The following ADCY8 variants were observed in gnomAD, a reference collection of about 807,000 sequenced individuals.
ADCY8 encodes the protein adenylate cyclase 8.
In ADCY8, 51 loss-of-function variants were observed where a neutral mutation model predicts 119.7. The ratio of observed to expected loss-of-function variants is 0.43; its 90% CI spans 0.34 to 0.54. ADCY8 has a LOEUF of 0.54. Among genes scored for constraint, ADCY8 ranks in the 20% least tolerant of loss-of-function variants. ADCY8 has a pLI of 0.03. For synonymous variants in ADCY8, 665 were observed against 651.0 expected (o/e 1.02, Z -0.33); for missense variants, 1,383 against 1,598.8 (o/e 0.87, Z 2.30).
intron 17 of ADCY8, 55 bp downstream of exon 17, chr8:130,783,636 C>A: frequency 7.7e-7 from 1 of 1,295,350 alleles, no homozygotes; most frequent in Non-Finnish European, 1.1e-6. Context: ...AGGGGAGGGT[C>A]TGTTGGAGCA....
chr8:130,963,105 TTTTC>T (rs1821655457), intron 2 of ADCY8, among the ~76,000 whole-genome samples: 1 of 151,428 alleles, frequency 6.6e-6, no homozygotes, highest in South Asian at 2.1e-4. Flanking sequence ...AAGCCCGTGT[TTTTC>T]TTTCTTTTTT....
chr8:130,819,390 T>C (rs1816440959), intron 13 of ADCY8, among the ~76,000 whole-genome samples: 1 of 152,228 alleles, frequency 6.6e-6, no homozygotes, highest in Non-Finnish European at 1.5e-5. Context: ...GCAATTAGGT[T>C]ATCTGCTTTC....
At chr8:130,836,524 G>C in intron 11 of ADCY8, 75 bp from the exon 12 acceptor site, 1 of 1,460,464 alleles carries the variant, frequency 6.8e-7, no homozygotes, top group Non-Finnish European at 9.3e-7. Flanking sequence ...ATGCTAGTAG[G>C]TCTTACACAC....
At chr8:130,942,218 T>A (rs1235787093) in intron 4 of ADCY8, among the ~76,000 whole-genome samples, 1 of 152,210 alleles carries the variant, frequency 6.6e-6, no homozygotes, top group Admixed American at 6.5e-5. Context: ...GCACTTGAGA[T>A]TCATTGGTGT....
chr8:130,992,784 A>G (rs961298822), intron 1 of ADCY8, among the ~76,000 whole-genome samples: 9 of 152,018 alleles, frequency 5.9e-5, no homozygotes. Context: ...AGGGCCTAAC[A>G]TACATATAAT....
intron 8 of ADCY8, among the ~76,000 whole-genome samples, chr8:130,879,912 C>G (rs1374114452): frequency 6.6e-6 from 1 of 152,102 alleles, no homozygotes; most frequent in African/African-American, 2.4e-5. Context: ...CCATAATTCC[C>G]ACATGTTGTG....
intron 12 of ADCY8, among the ~76,000 whole-genome samples, chr8:130,826,264 A>G (rs1218265764): frequency 6.6e-6 from 1 of 152,230 alleles, no homozygotes; most frequent in African/African-American, 2.4e-5. Flanking sequence ...TTAGAAAGAG[A>G]CATATGAACT....
At chr8:130,936,140 C>CT (rs1563735658) in intron 5 of ADCY8, among the ~76,000 whole-genome samples, 1 of 149,730 alleles carries the variant, frequency 6.7e-6, no homozygotes, top group Non-Finnish European at 1.5e-5. Flanking sequence ...CTTGTTACTG[C>CT]TTTTGCTGTG....
chr8:130,814,267 T>A (rs753814759), intron 13 of ADCY8, 40 bp from the exon 14 acceptor site: 4 of 1,607,948 alleles, frequency 2.5e-6, no homozygotes, highest in Non-Finnish European at 3.4e-6. Flanking sequence ...TGAGGTAAAC[T>A]TCTGAGGTGT....
intron 8 of ADCY8, among the ~76,000 whole-genome samples, chr8:130,882,496 C>T (rs1191037292): frequency 6.6e-5 from 10 of 152,030 alleles, no homozygotes; most frequent in East Asian, 3.9e-4. Context: ...TTGTCTTCTT[C>T]GTACGAAACC....
At chr8:131,026,192 G>T (rs1414009137) in intron 1 of ADCY8, among the ~76,000 whole-genome samples, 1 of 152,160 alleles carries the variant, frequency 6.6e-6, no homozygotes, top group Non-Finnish European at 1.5e-5. Flanking sequence ...TGTCATGAGG[G>T]TGGAGCCTTC....
intron 8 of ADCY8, among the ~76,000 whole-genome samples, chr8:130,874,732 C>T (rs886726144): frequency 6.6e-6 from 1 of 152,102 alleles, no homozygotes; most frequent in Admixed American, 6.6e-5. Flanking sequence ...CGGGGTTAGA[C>T]TGGGCACATG....
Position 130,798,069 on chromosome 8 carries a change from G to A in ADCY8, c.3060+2357C>T, listed in dbSNP as rs148380753. Among the ~76,000 whole-genome samples the A allele has an allele frequency of 3.3e-5, 5 of 152,216 alleles. No homozygotes were observed. In the East Asian group the frequency reaches 9.6e-4, roughly 29 times the overall value. ...GAAGGCTAATAATTCCTAGCCTAAGGGTTTGTATGAGAGATAAATAACTAT... is the reference window on the plus strand; with the variant it reads ...GAAGGCTAATAATTCCTAGCCTAAGAGTTTGTATGAGAGATAAATAACTAT... On this transcript the variant is annotated intron_variant, in intron 15 of 17. Coordinates refer to ENST00000286355, the MANE Select transcript of ADCY8 (RefSeq NM_001115.3).
chr8:130,789,069 T>C (rs1164137119), intron 15 of ADCY8, among the ~76,000 whole-genome samples: 1 of 152,220 alleles, frequency 6.6e-6, no homozygotes, highest in East Asian at 1.9e-4. Flanking sequence ...GAATAAACTG[T>C]TGGGAATGAT....
At chr8:130,874,629 C>G (rs2917051) in intron 8 of ADCY8, among the ~76,000 whole-genome samples, 39,550 of 152,036 alleles carry the variant, frequency 0.26, 5,494 homozygotes, top group South Asian at 0.44. Context: ...TGATGGGCTT[C>G]AGAAGTGCAA....
Position 130,998,142 on chromosome 8 carries a change from C to A in ADCY8, c.961-7600G>T, listed in dbSNP as rs1446894923. Among the ~76,000 whole-genome samples, 3 of 152,046 alleles carry A rather than the reference C, an allele frequency of 2.0e-5. No homozygotes were observed. In the East Asian group the frequency reaches 5.8e-4, roughly 29 times the overall value. ...TGGTGGGAGATGGGCAATAAACAAG[C>A]AAGCCAAGGAATATTTAACACATGG... On this transcript the variant is annotated intron_variant, in intron 1 of 17. Transcript: ENST00000286355.
chr8:130,943,497 G>GGGGGGGGGGGGCCCC, intron 3 of ADCY8, 35 bp from the exon 4 acceptor site: 3 of 491,356 alleles, frequency 6.1e-6, no homozygotes, highest in East Asian at 5.4e-5. Flanking sequence ...GTGGGGGGAG[G>GGGGGGGGGGGGCCCC]AAGTATATTA....
intron 2 of ADCY8, among the ~76,000 whole-genome samples, chr8:130,982,701 A>G (rs368875999): frequency 6.6e-6 from 1 of 150,550 alleles, no homozygotes; most frequent in East Asian, 1.9e-4. Context: ...AATTCCATAA[A>G]AAATTAGCCA....
chr8:130,783,294 T>A (rs1399991339), intron 17 of ADCY8, among the ~76,000 whole-genome samples: 2 of 152,178 alleles, frequency 1.3e-5, no homozygotes, highest in African/African-American at 4.8e-5. Flanking sequence ...TCTGAAGGAA[T>A]TATCCTGAAG....
Sources: allele counts gnomAD v4.1 joint callset (sites outside exome capture counted in the v4.1 genomes callset), GRCh38; gene constraint gnomAD v4.1.1; transcripts MANE v1.5; gene names NCBI Gene and HGNC (gene_info 2026-07-23, HGNC 2026-07-21).